SH3GL3: variants seen among roughly 807,000 people sequenced by gnomAD.
SH3GL3 encodes SH3 domain containing GRB2 like 3, endophilin A3.
SH3GL3 carries 33 observed loss-of-function variants against 47.7 expected under a neutral mutation model. The ratio of observed to expected loss-of-function variants is 0.69; its 90% CI spans 0.52 to 0.92. SH3GL3 has a LOEUF of 0.92. Ranked by LOEUF, SH3GL3 falls within the 40% of genes least tolerant of loss-of-function variation. The pLI, the probability that SH3GL3 is intolerant of heterozygous loss-of-function variation, is 0.00. For missense variants in SH3GL3, 363 were observed against 417.8 expected, an observed-to-expected ratio of 0.87 and a Z score of 1.14; for synonymous variants, 155 against 148.8, an observed-to-expected ratio of 1.04 and a Z score of -0.30.
intron 1 of SH3GL3, among the ~76,000 whole-genome samples, chr15:83,475,217 C>A (rs1333835845): frequency 2.0e-5 from 3 of 151,786 alleles, no homozygotes; most frequent in Non-Finnish European, 4.4e-5. Flanking sequence ...GTGGCTCACG[C>A]CTGTAATCCA....
chr15:83,578,839 T>C (rs889092440), intron 6 of SH3GL3, among the ~76,000 whole-genome samples: 5 of 152,190 alleles, frequency 3.3e-5, no homozygotes, highest in African/African-American at 1.2e-4. Flanking sequence ...AAGTGTGACA[T>C]GTATCAGATA....
intron 8 of SH3GL3, among the ~76,000 whole-genome samples, chr15:83,598,490 T>A (rs2060291395): frequency 1.3e-5 from 2 of 152,220 alleles, no homozygotes; most frequent in Admixed American, 1.3e-4. Context: ...AAAGTCCTAT[T>A]TTGTAAGTGA....
At chr15:83,581,335 C>T (rs530133423) in intron 6 of SH3GL3, among the ~76,000 whole-genome samples, 1 of 152,202 alleles carries the variant, frequency 6.6e-6, no homozygotes, top group African/African-American at 2.4e-5. Context: ...GAAACAAACC[C>T]AGGGAGCCAC....
intron 1 of SH3GL3, among the ~76,000 whole-genome samples, chr15:83,537,794 T>C (rs1433528089): frequency 6.6e-6 from 1 of 152,186 alleles, no homozygotes; most frequent in Non-Finnish European, 1.5e-5. Context: ...CTGCTCTCTG[T>C]CTTCTAGGAA....
intron 8 of SH3GL3, among the ~76,000 whole-genome samples, chr15:83,614,415 A>C (rs972975787): frequency 5.9e-5 from 9 of 152,186 alleles, no homozygotes; most frequent in Non-Finnish European, 1.3e-4. Context: ...TCAGAGTTTC[A>C]AAGTCACGAC....
intron 8 of SH3GL3, among the ~76,000 whole-genome samples, chr15:83,593,518 T>C (rs188362435): frequency 3.3e-5 from 5 of 152,346 alleles, no homozygotes; most frequent in Non-Finnish European, 7.4e-5. Context: ...GCATTCATAA[T>C]ATTCCATTGA....
intron 1 of SH3GL3, among the ~76,000 whole-genome samples, chr15:83,470,774 GT>G (rs1340170438): frequency 6.6e-6 from 1 of 151,900 alleles, no homozygotes; most frequent in Non-Finnish European, 1.5e-5. Context: ...GGTTTATATA[GT>G]GTTTTTGAGT....
intron 1 of SH3GL3, among the ~76,000 whole-genome samples, chr15:83,473,710 G>A (rs1002265303): frequency 6.6e-6 from 1 of 151,894 alleles, no homozygotes; most frequent in South Asian, 2.1e-4. Context: ...ACCACGTCCG[G>A]CTAATTTTTT....
rs558989165 is a variant in SH3GL3, at chr15:83,588,955, A to G, written c.838+184A>G. ...TTTCTGTTCCCTGGGGAAGAATTCTATCACTTATATAATGTAGCATTTAGA... is the reference window on the plus strand; with the variant it reads ...TTTCTGTTCCCTGGGGAAGAATTCTGTCACTTATATAATGTAGCATTTAGA... On this transcript the variant is annotated intron_variant, in intron 8 of 8. Transcript: ENST00000427482. Among the ~76,000 whole-genome samples the G allele has an allele frequency of 2.0e-5, 3 of 152,316 alleles. No homozygotes were observed. The South Asian group carries it at 6.2e-4, about 32-fold the overall frequency.
chr15:83,468,657 A>C (rs1399695795), intron 1 of SH3GL3, among the ~76,000 whole-genome samples: 1 of 152,182 alleles, frequency 6.6e-6, no homozygotes, highest in Non-Finnish European at 1.5e-5. Context: ...AGATTGCATT[A>C]ATTGATTTTC....
At chr15:83,517,496 A>G (rs780319366) in intron 1 of SH3GL3, among the ~76,000 whole-genome samples, 3 of 151,918 alleles carry the variant, frequency 2.0e-5, no homozygotes, top group African/African-American at 4.8e-5. Flanking sequence ...GTGAGCCACC[A>G]TGCCTGGCCA....
chr15:83,520,312 C>T (rs534388820), intron 1 of SH3GL3, among the ~76,000 whole-genome samples: 5 of 152,114 alleles, frequency 3.3e-5, no homozygotes, highest in Admixed American at 1.3e-4. Flanking sequence ...TACAAATATC[C>T]TTTGAAGAGA....
intron 1 of SH3GL3, among the ~76,000 whole-genome samples, chr15:83,461,580 A>ATTAAAAAAAACTATTCGTGAG (rs2040301806): frequency 6.6e-6 from 1 of 151,970 alleles, no homozygotes; most frequent in Non-Finnish European, 1.5e-5. Context: ...TCTCTCTAAA[A>ATTAAAAAAAACTATTCGTGAG]TTAAAAAAAA....
downstream of SH3GL3, among the ~76,000 whole-genome samples, chr15:83,621,436 A>G (rs1333760821): frequency 6.6e-6 from 1 of 152,140 alleles, no homozygotes; most frequent in Non-Finnish European, 1.5e-5. Flanking sequence ...TGAGGGGGGA[A>G]TGGCCAGGCA....
At chr15:83,527,650 TG>T (rs2043483580) in intron 1 of SH3GL3, among the ~76,000 whole-genome samples, 2 of 152,206 alleles carry the variant, frequency 1.3e-5, no homozygotes, top group South Asian at 4.1e-4. Context: ...AGTTGGCTAA[TG>T]TTTTTTAATT....
intron 8 of SH3GL3, among the ~76,000 whole-genome samples, chr15:83,596,632 T>C (rs2060243769): frequency 6.6e-6 from 1 of 152,070 alleles, no homozygotes; most frequent in Non-Finnish European, 1.5e-5. Flanking sequence ...TGTGTTTTTG[T>C]TTGTTTGTTT....
chr15:83,601,276 G>A (rs1373631219), intron 8 of SH3GL3, among the ~76,000 whole-genome samples: 2 of 152,144 alleles, frequency 1.3e-5, no homozygotes, highest in Non-Finnish European at 2.9e-5. Context: ...TCTTGTTCCA[G>A]TTCTCAGCGG....
chr15:83,557,954 C>A (rs757630915), intron 1 of SH3GL3, among the ~76,000 whole-genome samples: 1 of 152,110 alleles, frequency 6.6e-6, no homozygotes, highest in Non-Finnish European at 1.5e-5. Context: ...TCTCACACTT[C>A]GAATTTAAGT....
chr15:83,632,236 T>G, the SH3GL3 span, among the ~76,000 whole-genome samples: 1 of 152,354 alleles, frequency 6.6e-6, no homozygotes, highest in East Asian at 1.9e-4. Flanking sequence ...CTTTCCCACA[T>G]TTTCCTGTCA....
Sources: gnomAD v4.1 joint callset for allele counts (sites outside exome capture counted in the v4.1 genomes callset) on GRCh38, gnomAD v4.1.1 for gene constraint, MANE v1.5 for transcripts, NCBI Gene and HGNC (gene_info 2026-07-23, HGNC 2026-07-21) for gene names.